PCDH15: variants seen among roughly 807,000 people sequenced by gnomAD.
The protein encoded by PCDH15 is protocadherin related 15.
Under a neutral mutation model 178.5 loss-of-function variants are expected in PCDH15, and 129 were observed. The observed-to-expected ratio is 0.72, with a 90% CI of 0.63 to 0.84. PCDH15 has a LOEUF of 0.84. Ranked by LOEUF, PCDH15 falls within the 40% of genes least tolerant of loss-of-function variation. PCDH15 has a pLI of 0.00. For synonymous variants in PCDH15, 800 were observed against 732.0 expected (o/e 1.09, Z -1.50); for missense variants, 2,230 against 2,099.9 (o/e 1.06, Z -1.21).
At chr10:54,301,366 G>A (rs2060140598) in intron 8 of PCDH15, among the ~76,000 whole-genome samples, 1 of 152,084 alleles carries the variant, frequency 6.6e-6, no homozygotes, top group Non-Finnish European at 1.5e-5. Flanking sequence ...TCATTCTGTT[G>A]TACAAAATGA....
At chr10:53,898,506 C>T (rs10825159) in intron 26 of PCDH15, among the ~76,000 whole-genome samples, 1 of 151,940 alleles carries the variant, frequency 6.6e-6, no homozygotes, top group Non-Finnish European at 1.5e-5. Context: ...AAATCAACTT[C>T]GTAGAACCAG....
intron 2 of PCDH15, among the ~76,000 whole-genome samples, chr10:55,542,660 T>C (rs1367790330): frequency 8.2e-6 from 1 of 121,378 alleles, no homozygotes; most frequent in East Asian, 2.7e-4. Context: ...TCTATATAGG[T>C]ACATACAGAC....
At chr10:53,823,888 C>G in intron 32 of PCDH15, 1 of 418,598 alleles carries the variant, frequency 2.4e-6, no homozygotes, top group Non-Finnish European at 5.0e-6. Context: ...TCACCAAGGA[C>G]AGATGGGAGT....
chr10:54,223,322 A>AG (rs2053065988), intron 9 of PCDH15, among the ~76,000 whole-genome samples: 6 of 122,332 alleles, frequency 4.9e-5, no homozygotes, highest in Admixed American at 1.8e-4. Flanking sequence ...AAAAAAAAAA[A>AG]AAGAGAAATT....
At chr10:55,069,848 GC>G (rs1441631942) in intron 2 of PCDH15, among the ~76,000 whole-genome samples, 37 of 151,718 alleles carry the variant, frequency 2.4e-4, no homozygotes, top group African/African-American at 9.0e-4. Context: ...CTGAGGAACC[GC>G]CACACTGACT....
chr10:54,396,316 A>G (rs914436085), intron 3 of PCDH15, among the ~76,000 whole-genome samples: 17 of 152,108 alleles, frequency 1.1e-4, no homozygotes, highest in African/African-American at 3.6e-4. Context: ...TTGTTGAACA[A>G]TGCGTTATAT....
intron 26 of PCDH15, among the ~76,000 whole-genome samples, chr10:53,876,024 T>C (rs1228299895): frequency 2.0e-5 from 3 of 152,238 alleles, no homozygotes; most frequent in East Asian, 1.9e-4. Flanking sequence ...TATTGAAGGC[T>C]CACTTACCCT....
chr10:54,207,895 G>T (rs977580088), intron 10 of PCDH15, among the ~76,000 whole-genome samples: 2 of 151,874 alleles, frequency 1.3e-5, no homozygotes, highest in South Asian at 4.2e-4. Context: ...TAACATAAAG[G>T]CTTTTCTTCA....
rs567666308 is a variant in PCDH15 at position 54,600,087 on chromosome 10, G to T, written c.91+64085C>A. 6.1e-4 allele frequency: 655 copies of T among 1,066,614 alleles called. 2 individuals are homozygous for T. Among genetic ancestry groups the T allele is most frequent in the Admixed American group, 1.7e-3 (85 of 49,448 alleles). 66.1% of individuals were successfully genotyped at this position (1,066,614 alleles called of 1,614,324 possible). A position where few individuals can be genotyped will look rare whatever the true frequency, so the allele number is the denominator to read the frequency against. On this transcript the variant is annotated intron_variant, in intron 2 of 37. Transcript: ENST00000644397. Reference sequence around the variant, plus strand: ...AAATCGAGGAAGCTCCCAAGGAATAGAAGGTAGAGAAAAAGGAAGAGAAAC... The same window carrying T: ...AAATCGAGGAAGCTCCCAAGGAATATAAGGTAGAGAAAAAGGAAGAGAAAC...
intron 2 of PCDH15, among the ~76,000 whole-genome samples, chr10:54,595,767 C>A (rs1412070378): frequency 2.6e-5 from 4 of 151,844 alleles, no homozygotes; most frequent in Non-Finnish European, 5.9e-5. Flanking sequence ...AACAAACAAA[C>A]AAAAAACATA....
At chr10:54,783,208 G>T (rs1950537348) in intron 1 of PCDH15, among the ~76,000 whole-genome samples, 1 of 151,740 alleles carries the variant, frequency 6.6e-6, no homozygotes, top group Non-Finnish European at 1.5e-5. Context: ...AGAAAACACA[G>T]AAAAAATGTT....
chr10:55,169,882 G>T (rs1839284932), intron 1 of PCDH15, among the ~76,000 whole-genome samples: 1 of 152,046 alleles, frequency 6.6e-6, no homozygotes, highest in African/African-American at 2.4e-5. Flanking sequence ...TAAATAATAA[G>T]AAGATTTACC....
rs1841119072 is a variant in PCDH15, at chr10:53,805,891, A to G, written c.*688T>C. ...AAGTATCTACCATATTTGATATGAGATGAAGGGACAAGAGAATATTGTAAA... is the reference window on the plus strand; with the variant it reads ...AAGTATCTACCATATTTGATATGAGGTGAAGGGACAAGAGAATATTGTAAA... On this transcript the variant is annotated 3_prime_UTR_variant, in exon 38 of 38. Transcript: ENST00000644397. 6.6e-6 allele frequency: 1 copy of G among 152,144 alleles called. No individual in the cohort carries two copies. Among genetic ancestry groups the G allele is most frequent in the African/African-American group, 2.4e-5 (1 of 41,436 alleles). The allele number at this position is 152,144 out of a possible 1,614,324, so 9.4% of individuals were successfully genotyped here. A position where few individuals can be genotyped will look rare whatever the true frequency, so the allele number is the denominator to read the frequency against.
At chr10:54,118,543 C>G (rs1038048324) in intron 15 of PCDH15, among the ~76,000 whole-genome samples, 1 of 152,010 alleles carries the variant, frequency 6.6e-6, no homozygotes, top group Non-Finnish European at 1.5e-5. Context: ...GCCTGTAGTT[C>G]CAGCTACTTG....
Position 54,477,951 on chromosome 10 carries a change from A to G in PCDH15, c.157+49861T>C, listed in dbSNP as rs1169381511. Among the ~76,000 whole-genome samples, 3 of 152,176 alleles carry G rather than the reference A, an allele frequency of 2.0e-5. No individual in the cohort carries two copies. The East Asian group carries it at 5.8e-4, about 29-fold the overall frequency. On this transcript the variant is annotated intron_variant, in intron 3 of 37. Coordinates refer to ENST00000644397, the MANE Select transcript of PCDH15 (RefSeq NM_001384140.1). Reference sequence around the variant, plus strand: ...GGCAGAGACCACCTACTGTTACGCAATCATTCTATAGTCTTTAAAATCTAA... The same window carrying G: ...GGCAGAGACCACCTACTGTTACGCAGTCATTCTATAGTCTTTAAAATCTAA...
chr10:54,755,157 C>T (rs1046835622), intron 1 of PCDH15, among the ~76,000 whole-genome samples: 2 of 152,028 alleles, frequency 1.3e-5, no homozygotes, highest in Non-Finnish European at 2.9e-5. Context: ...GTCTCGAACT[C>T]CTGACTTCAG....
At chr10:55,217,400 C>T (rs550397886) in intron 1 of PCDH15, among the ~76,000 whole-genome samples, 1 of 151,958 alleles carries the variant, frequency 6.6e-6, no homozygotes, top group South Asian at 2.1e-4. Context: ...TTGGTCATAT[C>T]AATTCACAAA....
chr10:55,152,275 C>T (rs956152172), intron 2 of PCDH15, among the ~76,000 whole-genome samples: 10 of 151,996 alleles, frequency 6.6e-5, no homozygotes, highest in African/African-American at 2.2e-4. Flanking sequence ...TGAATATTTA[C>T]CTCATGTGGA....
intron 2 of PCDH15, among the ~76,000 whole-genome samples, chr10:55,024,086 T>G (rs1591841791): frequency 8.2e-6 from 1 of 121,224 alleles, no homozygotes; most frequent in African/African-American, 3.0e-5. Context: ...TATATATATA[T>G]ATATAGGAAG....
Sources: allele counts gnomAD v4.1 joint callset (sites outside exome capture counted in the v4.1 genomes callset), GRCh38; gene constraint gnomAD v4.1.1; transcripts MANE v1.5; gene names NCBI Gene and HGNC (gene_info 2026-07-23, HGNC 2026-07-21).